GRIA2: variants seen among roughly 807,000 people sequenced by gnomAD.
GRIA2 encodes glutamate ionotropic receptor AMPA type subunit 2.
GRIA2 carries 14 observed loss-of-function variants against 97.3 expected under a neutral mutation model. The observed-to-expected ratio is 0.14, with a 90% CI of 0.10 to 0.23. GRIA2 has a LOEUF of 0.23. Ranked by LOEUF, GRIA2 falls within the 10% of genes least tolerant of loss-of-function variation. The pLI is 1.00. For synonymous variants in GRIA2, 412 were observed against 387.8 expected, an observed-to-expected ratio of 1.06 and a Z score of -0.73; for missense variants, 558 against 1,069.8, an observed-to-expected ratio of 0.52 and a Z score of 6.67.
At chr4:157,247,855 C>T (rs1000541371) in intron 2 of GRIA2, among the ~76,000 whole-genome samples, 1 of 152,008 alleles carries the variant, frequency 6.6e-6, no homozygotes, top group Non-Finnish European at 1.5e-5. Context: ...AGGGGCGTCA[C>T]CATGCAGACA....
intron 12 of GRIA2, among the ~76,000 whole-genome samples, chr4:157,353,212 C>A (rs911073922): frequency 6.6e-6 from 1 of 151,710 alleles, no homozygotes; most frequent in African/African-American, 2.4e-5. Flanking sequence ...ATTAGACCAG[C>A]GTGGTGGCGC....
intron 2 of GRIA2, among the ~76,000 whole-genome samples, chr4:157,298,787 C>T (rs1349266117): frequency 6.6e-6 from 1 of 151,888 alleles, no homozygotes; most frequent in African/African-American, 2.4e-5. Flanking sequence ...CTAAACCTAA[C>T]ACTATGCTTG....
chr4:157,355,138 C>A (rs1736189569), intron 12 of GRIA2, among the ~76,000 whole-genome samples: 1 of 152,120 alleles, frequency 6.6e-6, no homozygotes, highest in Non-Finnish European at 1.5e-5. Context: ...AACCAACCAG[C>A]CTGCTTGTCT....
chr4:157,253,178 A>G (rs1579306136), intron 2 of GRIA2, among the ~76,000 whole-genome samples: 1 of 150,746 alleles, frequency 6.6e-6, no homozygotes, highest in Non-Finnish European at 1.5e-5. Flanking sequence ...GTGCAGTGGC[A>G]TTATCTTGGC....
chr4:157,280,496 A>G (rs1732545523), intron 2 of GRIA2, among the ~76,000 whole-genome samples: 1 of 152,090 alleles, frequency 6.6e-6, no homozygotes, highest in African/African-American at 2.4e-5. Context: ...ATGGCTTTAA[A>G]CAGCTATTTG....
chr4:157,246,347 T>C (rs1730731239), intron 2 of GRIA2, among the ~76,000 whole-genome samples: 1 of 152,124 alleles, frequency 6.6e-6, no homozygotes, highest in Admixed American at 6.6e-5. Context: ...TAACATTTTA[T>C]ATATAGAAAG....
At position 157,221,411 on chromosome 4, in the gene GRIA2, C is replaced by G. The variant is rs1005044053; in HGVS notation, c.89-256C>G. 6 of 570,850 alleles carry G rather than the reference C, an allele frequency of 1.1e-5. No homozygotes were observed. The African/African-American group carries it at 1.1e-4, about 11-fold the overall frequency. The allele number at this position is 570,850 out of a possible 1,614,324, so 35.4% of individuals were successfully genotyped here. ...CAGTTTGCTCAGATTTTCTTGGGGTCTGAATGCAAAGCTTGTGATTACATG... is the reference window on the plus strand; with the variant it reads ...CAGTTTGCTCAGATTTTCTTGGGGTGTGAATGCAAAGCTTGTGATTACATG... On this transcript the variant is annotated intron_variant, in intron 1 of 15. Coordinates refer to ENST00000264426, the MANE Select transcript of GRIA2 (RefSeq NM_001083619.3).
chr4:157,348,243 A>T (rs1337585104), intron 12 of GRIA2, among the ~76,000 whole-genome samples: 1 of 152,172 alleles, frequency 6.6e-6, no homozygotes, highest in East Asian at 1.9e-4. Flanking sequence ...CTATTTTCAT[A>T]GGGAAATGAT....
chr4:157,294,296 A>G (rs1733240847), intron 2 of GRIA2, among the ~76,000 whole-genome samples: 1 of 152,022 alleles, frequency 6.6e-6, no homozygotes, highest in African/African-American at 2.4e-5. Context: ...GTTTTATCAT[A>G]GACTCTAAAA....
intron 6 of GRIA2, among the ~76,000 whole-genome samples, chr4:157,322,534 T>C (rs1187755096): frequency 1.3e-5 from 2 of 152,190 alleles, no homozygotes; most frequent in Non-Finnish European, 2.9e-5. Flanking sequence ...TACACATGCG[T>C]GCATGAATTT....
chr4:157,330,837 C>A (rs532381599), intron 6 of GRIA2, among the ~76,000 whole-genome samples: 381 of 151,964 alleles, frequency 2.5e-3, no homozygotes, highest in Middle Eastern at 6.8e-3. Flanking sequence ...TATAAATTTC[C>A]AACTCAGCTG....
At chr4:157,245,829 G>C (rs1274047557) in intron 2 of GRIA2, among the ~76,000 whole-genome samples, 1 of 152,038 alleles carries the variant, frequency 6.6e-6, no homozygotes, top group African/African-American at 2.4e-5. Flanking sequence ...CTCTGAGAAA[G>C]AGACAAAAGT....
Position 157,282,370 on chromosome 4 carries a change from T to C in GRIA2, c.230-21182T>C, listed in dbSNP as rs1732645615. Among the ~76,000 whole-genome samples, 3 of 152,050 alleles carry C rather than the reference T, an allele frequency of 2.0e-5. No homozygotes were observed. In the South Asian group the frequency reaches 6.2e-4, roughly 32 times the overall value. The stretch of plus-strand genomic sequence containing the variant: ...AACAGGTACCCTTTCTATTAAGTAG[T>C]AAGAAGTAGGAGTCTTAAAAGAAGA... On this transcript the variant is annotated intron_variant, in intron 2 of 15. Transcript: ENST00000264426.
intron 2 of GRIA2, among the ~76,000 whole-genome samples, chr4:157,302,606 G>GA (rs767629958): frequency 7.8e-4 from 119 of 152,010 alleles, no homozygotes; most frequent in Non-Finnish European, 1.3e-3. Context: ...GTTATCATGA[G>GA]AAAAAAATGA....
chr4:157,288,096 C>G (rs1022286883), intron 2 of GRIA2, among the ~76,000 whole-genome samples: 1 of 151,532 alleles, frequency 6.6e-6, no homozygotes, highest in African/African-American at 2.4e-5. Context: ...TACTAAAAAA[C>G]AAATATTTTC....
At chr4:157,266,660 A>C (rs1731784305) in intron 2 of GRIA2, among the ~76,000 whole-genome samples, 1 of 152,062 alleles carries the variant, frequency 6.6e-6, no homozygotes, top group Non-Finnish European at 1.5e-5. Flanking sequence ...TGGGCCATGG[A>C]CTTATCTGGA....
At chr4:157,326,178 T>A (rs557586205) in intron 6 of GRIA2, among the ~76,000 whole-genome samples, 1 of 152,212 alleles carries the variant, frequency 6.6e-6, no homozygotes, top group Non-Finnish European at 1.5e-5. Context: ...GTTGTCCCCT[T>A]AAATATTTGC....
chr4:157,226,958 T>C (rs968717523), intron 2 of GRIA2, among the ~76,000 whole-genome samples: 7 of 152,152 alleles, frequency 4.6e-5, no homozygotes, highest in African/African-American at 1.4e-4. Context: ...TAATCTGTTA[T>C]TGAAGTATTT....
chr4:157,302,732 A>G (rs1311207795), intron 2 of GRIA2, among the ~76,000 whole-genome samples: 1 of 152,146 alleles, frequency 6.6e-6, no homozygotes, highest in South Asian at 2.1e-4. Context: ...ATTTGAGTAT[A>G]TCGAGGTATT....
Sources: gnomAD v4.1 joint callset for allele counts (sites outside exome capture counted in the v4.1 genomes callset) on GRCh38, gnomAD v4.1.1 for gene constraint, MANE v1.5 for transcripts, NCBI Gene and HGNC (gene_info 2026-07-23, HGNC 2026-07-21) for gene names.